NCKAP5: variants seen among roughly 807,000 people sequenced by gnomAD.
NCKAP5 encodes nck-associated protein 5.
NCKAP5 carries 92 observed loss-of-function variants against 167.0 expected under a neutral mutation model. That is an observed-to-expected ratio of 0.55 (90% confidence interval 0.47 to 0.66). NCKAP5 has a LOEUF of 0.66. NCKAP5 is among the 30% of genes least tolerant of loss of function. The probability of loss-of-function intolerance (pLI) is 0.00; values close to 1 mark genes in which losing one functional copy is unlikely to be tolerated. For synonymous variants in NCKAP5, 891 were observed against 877.4 expected (o/e 1.02, Z -0.27); for missense variants, 2,378 against 2,315.0 (o/e 1.03, Z -0.56).
intron 5 of NCKAP5, among the ~76,000 whole-genome samples, chr2:133,140,844 A>C (rs2082969774): frequency 1.3e-5 from 2 of 150,548 alleles, no homozygotes; most frequent in Admixed American, 1.3e-4. Flanking sequence ...ATATTACTAT[A>C]TATTCAGTTT....
the NCKAP5 span, among the ~76,000 whole-genome samples, chr2:133,654,047 T>C: frequency 1.2e-4 from 19 of 152,164 alleles, no homozygotes; most frequent in African/African-American, 4.3e-4. Context: ...AGTTCTCTGG[T>C]TTTGGCATCC....
chr2:133,337,482 C>G (rs1432141874), intron 3 of NCKAP5, among the ~76,000 whole-genome samples: 1 of 152,132 alleles, frequency 6.6e-6, no homozygotes, highest in Non-Finnish European at 1.5e-5. Flanking sequence ...TCATACATTA[C>G]CCCCAGTACT....
chr2:132,730,537 G>A (rs1690896126), intron 17 of NCKAP5, among the ~76,000 whole-genome samples: 1 of 152,056 alleles, frequency 6.6e-6, no homozygotes, highest in African/African-American at 2.4e-5. Flanking sequence ...TTAGATACCT[G>A]GTGCAGTGGA....
chr2:132,745,035 A>G (rs1463730722), intron 16 of NCKAP5, among the ~76,000 whole-genome samples: 1 of 151,816 alleles, frequency 6.6e-6, no homozygotes. Context: ...ATTTATAAGG[A>G]TGAAAAAAAT....
chr2:133,027,720 CT>C (rs1216829182), intron 6 of NCKAP5, among the ~76,000 whole-genome samples: 3 of 152,184 alleles, frequency 2.0e-5, no homozygotes, highest in African/African-American at 7.2e-5. Flanking sequence ...TACAAATGAT[CT>C]TTTCCAACAA....
intron 3 of NCKAP5, among the ~76,000 whole-genome samples, chr2:133,356,914 C>T (rs377497476): frequency 3.9e-5 from 6 of 152,266 alleles, no homozygotes; most frequent in African/African-American, 1.4e-4. Flanking sequence ...CATTCCTTCT[C>T]GTGCAATTCA....
chr2:132,784,080 T>TG lies in NCKAP5; in HGVS notation c.2730dup (p.Thr911HisfsTer4). On this transcript the variant is annotated frameshift_variant, in exon 14 of 20. Coordinates refer to ENST00000409261, the MANE Select transcript of NCKAP5 (RefSeq NM_207363.3). LOFTEE classifies it high-confidence loss of function. The stretch of plus-strand genomic sequence containing the variant: ...CCAGAGCCACAGTGTTCATCCCTCG[T>TG]GGGGGGCTCTCCACTGTCACTAGAC... 1.3e-6 allele frequency: 2 copies of TG among 1,521,582 alleles called. No individual in the cohort carries two copies. The highest frequency in any genetic ancestry group is 1.3e-5 in the South Asian group (1 of 75,392). 94.3% of individuals were successfully genotyped at this position (1,521,582 alleles called of 1,614,324 possible).
chr2:133,093,706 A>G (rs2196167), intron 6 of NCKAP5, among the ~76,000 whole-genome samples: 9,997 of 152,262 alleles, frequency 0.066, 1,063 homozygotes, highest in African/African-American at 0.22. Context: ...TGGACAGGAC[A>G]CATACCAATT....
chr2:132,953,356 T>C (rs765084662), intron 8 of NCKAP5, among the ~76,000 whole-genome samples: 2 of 152,202 alleles, frequency 1.3e-5, no homozygotes, highest in South Asian at 4.1e-4. Context: ...AACTTCTTTA[T>C]CTCTTTGCTT....
intron 3 of NCKAP5, among the ~76,000 whole-genome samples, chr2:133,397,477 C>G (rs1687802983): frequency 1.3e-5 from 2 of 152,184 alleles, no homozygotes; most frequent in Non-Finnish European, 2.9e-5. Flanking sequence ...AACTTTGAAG[C>G]ATATCTTTGT....
chr2:133,306,123 C>T (rs548003351), intron 3 of NCKAP5, among the ~76,000 whole-genome samples: 1 of 152,318 alleles, frequency 6.6e-6, no homozygotes, highest in South Asian at 2.1e-4. Flanking sequence ...TGGAGATTAA[C>T]TCCAAGAAAA....
chr2:133,129,506 T>C (rs1227315633), intron 6 of NCKAP5, among the ~76,000 whole-genome samples: 1 of 152,376 alleles, frequency 6.6e-6, no homozygotes, highest in Middle Eastern at 3.4e-3. Context: ...TGTTGGACAT[T>C]TGGGTTGGTT....
intron 11 of NCKAP5, among the ~76,000 whole-genome samples, chr2:132,817,166 G>A (rs774695170): frequency 9.9e-4 from 151 of 152,320 alleles, no homozygotes; most frequent in Non-Finnish European, 1.7e-3. Context: ...GTGACTGTGA[G>A]AGTTTTAAAT....
intron 3 of NCKAP5, among the ~76,000 whole-genome samples, chr2:133,358,194 CT>C (rs1295679635): frequency 2.0e-5 from 3 of 152,182 alleles, no homozygotes; most frequent in African/African-American, 7.2e-5. Flanking sequence ...ACTCTAGACT[CT>C]AAGTATTCCC....
chr2:133,191,212 A>G (rs901988176), intron 5 of NCKAP5, among the ~76,000 whole-genome samples: 1 of 152,210 alleles, frequency 6.6e-6, no homozygotes, highest in African/African-American at 2.4e-5. Flanking sequence ...GCAAATCAAA[A>G]CCACAAAGAG....
intron 3 of NCKAP5, among the ~76,000 whole-genome samples, chr2:133,383,626 T>G (rs1158724276): frequency 6.6e-6 from 1 of 152,216 alleles, no homozygotes; most frequent in Admixed American, 6.5e-5. Flanking sequence ...TCTAGAACCC[T>G]GAGGAATTGC....
chr2:133,031,770 G>C (rs190771881), intron 6 of NCKAP5, among the ~76,000 whole-genome samples: 1 of 152,004 alleles, frequency 6.6e-6, no homozygotes, highest in Non-Finnish European at 1.5e-5. Context: ...ATTGGATACC[G>C]GCTGAGCCAC....
chr2:133,416,351 T>C (rs1347053805), intron 3 of NCKAP5, among the ~76,000 whole-genome samples: 1 of 152,208 alleles, frequency 6.6e-6, no homozygotes, highest in African/African-American at 2.4e-5. Context: ...AGATACCCTT[T>C]GGATTTGTTT....
chr2:132,918,721 A>G (rs1695079230), intron 8 of NCKAP5, among the ~76,000 whole-genome samples: 1 of 152,262 alleles, frequency 6.6e-6, no homozygotes, highest in African/African-American at 2.4e-5. Flanking sequence ...GATTCAAAGG[A>G]CAGTATAATG....
Sources: gnomAD v4.1 joint callset for allele counts (sites outside exome capture counted in the v4.1 genomes callset) on GRCh38, gnomAD v4.1.1 for gene constraint, MANE v1.5 for transcripts, NCBI Gene and HGNC (gene_info 2026-07-23, HGNC 2026-07-21) for gene names.